Variants in TP63 observed in about 807,000 individuals in gnomAD.
TP63 encodes tumor protein p63, also known as tumor protein 63.
A neutral mutation model predicts 82.8 loss-of-function variants in TP63; 17 were observed. The observed-to-expected ratio is 0.21, with a 90% CI of 0.14 to 0.31. The LOEUF (loss-of-function observed/expected upper bound fraction) is 0.31. Among genes scored for constraint, TP63 ranks in the 10% least tolerant of loss-of-function variants. The pLI, the probability that TP63 is intolerant of heterozygous loss-of-function variation, is 1.00. For missense variants in TP63, 648 were observed against 895.3 expected, an observed-to-expected ratio of 0.72 and a Z score of 3.52; for synonymous variants, 330 against 321.7, an observed-to-expected ratio of 1.03 and a Z score of -0.28.
intron 4 of TP63, among the ~76,000 whole-genome samples, chr3:189,852,044 C>A (rs997011274): frequency 9.9e-5 from 15 of 152,126 alleles, no homozygotes; most frequent in African/African-American, 3.1e-4. Context: ...ACTCATTCCT[C>A]TTTTCTTAGA....
At position 189,894,244 on chromosome 3, in the gene TP63, T is replaced by G. The variant is rs1721296215; in HGVS notation, c.1785T>G (p.His595Gln). The G allele has an allele frequency of 6.2e-7, 1 of 1,613,946 alleles. No homozygotes were observed. Among genetic ancestry groups the G allele is most frequent in the East Asian group, 2.2e-5 (1 of 44,864 alleles). The change falls in exon 14 of 14, where the codon CAT becomes CAG. Residue 595 changes from histidine to glutamine, a missense_variant. His to Gln is a conservative substitution (Grantham distance 24, BLOSUM62 0). This residue lies in a region of TP63 where 342 missense variants were observed against 425.7 expected (regional missense o/e 0.80). Coordinates refer to ENST00000264731, the MANE Select transcript of TP63 (RefSeq NM_003722.5). ...TGAAAATCCCTGAGCAATTTCGACATGCGATCTGGAAGGGCATCCTGGACC... is the reference window on the plus strand; with the variant it reads ...TGAAAATCCCTGAGCAATTTCGACAGGCGATCTGGAAGGGCATCCTGGACC... ...ASLKIPEQFR[H>Q]AIWKGILDHR... is the part of the protein sequence containing the mutation.
At chr3:189,706,478 A>G (rs189037053) in intron 1 of TP63, among the ~76,000 whole-genome samples, 1 of 152,066 alleles carries the variant, frequency 6.6e-6, no homozygotes, top group Non-Finnish European at 1.5e-5. Flanking sequence ...CTGGTCTCGA[A>G]CACCTGACCT....
intron 4 of TP63, among the ~76,000 whole-genome samples, chr3:189,809,220 C>A (rs1010909241): frequency 6.6e-6 from 1 of 152,024 alleles, no homozygotes; most frequent in Non-Finnish European, 1.5e-5. Context: ...AAAGAAAAAT[C>A]TTTCTGCATA....
At chr3:189,786,029 A>T (rs1164626871) in intron 3 of TP63, among the ~76,000 whole-genome samples, 1 of 151,996 alleles carries the variant, frequency 6.6e-6, no homozygotes, top group South Asian at 2.1e-4. Flanking sequence ...TAAAAATACA[A>T]CAAACCAAAA....
At chr3:189,868,466 A>T in intron 7 of TP63, 114 bp from the exon 8 acceptor site, 1 of 1,489,932 alleles carries the variant, frequency 6.7e-7, no homozygotes, top group Non-Finnish European at 9.1e-7. Context: ...CGCCATGGCT[A>T]AGCTGGTAGT....
intron 10 of TP63, 102 bp downstream of exon 10, chr3:189,873,097 T>C (rs1273644870): frequency 2.0e-5 from 32 of 1,567,548 alleles, no homozygotes; most frequent in Non-Finnish European, 2.5e-5. Flanking sequence ...TAATGGGAGA[T>C]AGCAGATTGT....
At chr3:189,846,579 T>C (rs995670237) in intron 4 of TP63, among the ~76,000 whole-genome samples, 1 of 151,306 alleles carries the variant, frequency 6.6e-6, no homozygotes, top group Non-Finnish European at 1.5e-5. Flanking sequence ...ACTTTATATA[T>C]TTATACATAT....
At chr3:189,875,969 C>T (rs1314934570) in intron 10 of TP63, among the ~76,000 whole-genome samples, 2 of 151,980 alleles carry the variant, frequency 1.3e-5, no homozygotes, top group Non-Finnish European at 2.9e-5. Flanking sequence ...TGATTCACGT[C>T]ACATATTCTT....
In TP63 at chr3:189,864,438, C is replaced by G. The variant is rs777175930; in HGVS notation, c.766+20C>G. ...ACGAGGGTAAGCAGAATTTGAATCT[C>G]TAACTGTTCAACCTCCTTGAAGGTC... On this transcript the variant is annotated intron_variant, in intron 5 of 13. Coordinates refer to ENST00000264731, the MANE Select transcript of TP63 (RefSeq NM_003722.5). The G allele has an allele frequency of 6.2e-6, 10 of 1,606,760 alleles. No homozygotes were observed. The highest frequency in any genetic ancestry group is 1.7e-4 in the Middle Eastern group (1 of 5,980).
intron 1 of TP63, among the ~76,000 whole-genome samples, chr3:189,639,560 C>T (rs989862455): frequency 2.0e-5 from 3 of 152,008 alleles, no homozygotes; most frequent in Admixed American, 6.6e-5. Flanking sequence ...TTCAAATTTC[C>T]AGTTCTTTTT....
chr3:189,611,921 C>T, the TP63 span, among the ~76,000 whole-genome samples: 2 of 151,816 alleles, frequency 1.3e-5, no homozygotes, highest in Non-Finnish European at 2.9e-5. Context: ...TGATCTGGCT[C>T]TTGGTTTGGT....
intron 10 of TP63, chr3:189,880,182 C>T: frequency 6.2e-7 from 1 of 1,611,300 alleles, no homozygotes; most frequent in Non-Finnish European, 8.5e-7. Flanking sequence ...CCCATAGAGC[C>T]CTATCTCTAT....
chr3:189,695,023 T>G (rs1297838434), intron 1 of TP63, among the ~76,000 whole-genome samples: 1 of 151,788 alleles, frequency 6.6e-6, no homozygotes, highest in East Asian at 1.9e-4. Context: ...ACCAGGCTGG[T>G]CTTGAACTCC....
intron 1 of TP63, among the ~76,000 whole-genome samples, chr3:189,715,668 T>C (rs1314295944): frequency 2.0e-5 from 3 of 152,162 alleles, no homozygotes; most frequent in Non-Finnish European, 4.4e-5. Context: ...ATGCTAAAAA[T>C]TGGAGCAGCT....
chr3:189,648,650 A>C (rs529340364), intron 1 of TP63, among the ~76,000 whole-genome samples: 1 of 147,512 alleles, frequency 6.8e-6, no homozygotes, highest in Non-Finnish European at 1.5e-5. Flanking sequence ...TTGAGTAATT[A>C]ACTCCAAATC....
At chr3:189,802,659 A>G (rs1247693429) in intron 3 of TP63, among the ~76,000 whole-genome samples, 1 of 152,220 alleles carries the variant, frequency 6.6e-6, no homozygotes, top group Non-Finnish European at 1.5e-5. Flanking sequence ...GACTCCATGT[A>G]AAGAAGTTTA....
intron 3 of TP63, among the ~76,000 whole-genome samples, chr3:189,747,368 A>T (rs1311518343): frequency 2.6e-5 from 4 of 152,076 alleles, no homozygotes; most frequent in South Asian, 4.1e-4. Context: ...AGTCTCAAAA[A>T]TTTTTTAAAA....
At chr3:189,735,186 C>G (rs1296821651) in intron 1 of TP63, among the ~76,000 whole-genome samples, 1 of 152,150 alleles carries the variant, frequency 6.6e-6, no homozygotes, top group South Asian at 2.1e-4. Context: ...CCATAAACTT[C>G]TCAGGGTCTG....
At chr3:189,840,233 T>C (rs766012928) in intron 4 of TP63, among the ~76,000 whole-genome samples, 2 of 151,914 alleles carry the variant, frequency 1.3e-5, no homozygotes, top group African/African-American at 4.8e-5. Flanking sequence ...GATCCTAACT[T>C]TTTTTTTCAT....
Sources: gnomAD v4.1 joint callset for allele counts (sites outside exome capture counted in the v4.1 genomes callset) on GRCh38, gnomAD v4.1.1 for gene constraint, gnomAD v4.1.1 regional missense constraint, MANE v1.5 for transcripts, NCBI Gene and HGNC (gene_info 2026-07-23, HGNC 2026-07-21) for gene names.